Variants in SBK3 observed in about 807,000 individuals in gnomAD.
SBK3 encodes the protein SH3 domain binding kinase family member 3, also known as uncharacterized serine/threonine-protein kinase SBK3.
A neutral mutation model predicts 12.7 loss-of-function variants in SBK3; 16 were observed. The ratio of observed to expected loss-of-function variants is 1.26; its 90% CI spans 0.86 to 1.92. The LOEUF is 1.92. Ranked by LOEUF, SBK3 falls within the 40% of genes most tolerant of loss-of-function variation. The pLI, the probability that SBK3 is intolerant of heterozygous loss-of-function variation, is 0.00. For synonymous variants in SBK3, 217 were observed against 213.6 expected (o/e 1.02, Z -0.14); for missense variants, 462 against 481.8 (o/e 0.96, Z 0.38).
intron 3 of SBK3, among the ~76,000 whole-genome samples, chr19:55,543,485 C>A (rs74693455): frequency 0.075 from 11,289 of 151,396 alleles, 442 homozygotes; most frequent in Non-Finnish European, 0.085. Context: ...CTTCCTCATC[C>A]CCTTCCTTCT....
chr19:55,541,761 C>A lies in SBK3; in HGVS notation c.400-235G>T, dbSNP rs1399950943. On this transcript the variant is annotated intron_variant, in intron 3 of 3. Transcript: ENST00000612221. The surrounding 1 kb of genome is among the most constrained non-coding windows in gnomAD (Gnocchi z 5.3). Reference sequence around the variant, plus strand: ...ACTCTTGGGGTTTGAGAATCTAGAACCCCAGACTAGTGGCTACCTCCAGTG... The same window carrying A: ...ACTCTTGGGGTTTGAGAATCTAGAAACCCAGACTAGTGGCTACCTCCAGTG... Among the ~76,000 whole-genome samples the A allele has an allele frequency of 6.6e-6, 1 of 152,128 alleles. No homozygotes were observed. Among genetic ancestry groups the A allele is most frequent in the Non-Finnish European group, 1.5e-5 (1 of 68,028 alleles).
Position 55,544,293 on chromosome 19 carries a change from A to T in SBK3, c.206T>A (p.Val69Glu). 6.5e-7 allele frequency: 1 copy of T among 1,535,716 alleles called. No individual in the cohort carries two copies. The highest frequency in any genetic ancestry group is 8.7e-7 in the Non-Finnish European group (1 of 1,146,672). The change falls in exon 3 of 4, where the codon GTG becomes GAG. Residue 69 changes from valine (V) to glutamate (E), a missense_variant. Physicochemically the swap from Val to Glu is moderately radical, Grantham distance 121. Transcript: ENST00000612221. ...LAQPHQGGPA[V>E]ALKLLRRDLV... ...ATCCCGACGCAGGAGCTTCAGAGCC[A>T]CAGCTGGACCTGCCAGGGAGATGGG...
Position 55,544,272 on chromosome 19 carries a change from C to T in SBK3, c.227G>A (p.Arg76Gln), listed in dbSNP as rs1268193491. 35 of 1,535,842 alleles carry T rather than the reference C, an allele frequency of 2.3e-5. No homozygotes were observed. The highest frequency in any genetic ancestry group is 1.7e-4 in the Middle Eastern group (1 of 6,010). ...GPAVALKLLR[R>Q]DLVLRSTFLR... ...GAAGGTGCTTCTCAGGACCAAATCC[C>T]GACGCAGGAGCTTCAGAGCCACAGC... Residue 76 changes from arginine to glutamine, a missense_variant, in exon 3 of 4, where the codon CGG becomes CAG. Physicochemically the swap from Arg to Gln is conservative, Grantham distance 43. Coordinates refer to ENST00000612221, the MANE Select transcript of SBK3 (RefSeq NM_001199824.2).
intron 3 of SBK3, among the ~76,000 whole-genome samples, chr19:55,542,032 G>A (rs1302652916): frequency 6.6e-6 from 1 of 152,208 alleles, no homozygotes; most frequent in East Asian, 1.9e-4. Flanking sequence ...TCTCCAGTGA[G>A]AACTCAAATT....
chr19:55,545,016 G>T lies in SBK3; in HGVS notation c.46-67C>A. On this transcript the variant is annotated intron_variant, in intron 1 of 3. Coordinates refer to ENST00000612221, the MANE Select transcript of SBK3 (RefSeq NM_001199824.2). This position sits in a 1 kb window ranked among gnomAD's most constrained non-coding sequence, Gnocchi z 4.4. ...TCCACTGAGAGTGGTGGGGGAGGAGGTCACGGCGCAGCCCCAGGATGGAGG... is the reference window on the plus strand; with the variant it reads ...TCCACTGAGAGTGGTGGGGGAGGAGTTCACGGCGCAGCCCCAGGATGGAGG... 1 of 1,260,614 alleles carries T rather than the reference G, an allele frequency of 7.9e-7. No homozygotes were observed. The highest frequency in any genetic ancestry group is 1.1e-6 in the Non-Finnish European group (1 of 922,894). 78.1% of individuals were successfully genotyped at this position (1,260,614 alleles called of 1,614,324 possible). A position where few individuals can be genotyped will look rare whatever the true frequency, so the allele number is the denominator to read the frequency against.
Position 55,540,709 on chromosome 19 carries a change from C to T in SBK3, c.*137G>A, listed in dbSNP as rs1988539122. 1 of 785,066 alleles carries T rather than the reference C, an allele frequency of 1.3e-6. No individual in the cohort carries two copies. Among genetic ancestry groups the T allele is most frequent in the Non-Finnish European group, 2.2e-6 (1 of 464,726 alleles). The allele number at this position is 785,066 out of a possible 1,614,324, so 48.6% of individuals were successfully genotyped here. On this transcript the variant is annotated 3_prime_UTR_variant, in exon 4 of 4. Coordinates refer to ENST00000612221, the MANE Select transcript of SBK3 (RefSeq NM_001199824.2). ...GTTGGAAGAGGAATGCGCGTCCAAGCCCAGCGTTCCGTAGGGAGAGTGCAA... is the reference window on the plus strand; with the variant it reads ...GTTGGAAGAGGAATGCGCGTCCAAGTCCAGCGTTCCGTAGGGAGAGTGCAA...
chr19:55,544,900 C>G lies in SBK3; in HGVS notation c.95G>C (p.Arg32Thr), dbSNP rs1353181279. 2.6e-6 allele frequency: 4 copies of G among 1,534,446 alleles called. No homozygotes were observed. In the South Asian group the frequency reaches 3.6e-5, roughly 14 times the overall value. ...CCGAAGGCTCCTCACCGGGGTCACC[C>G]TGCTGGTCGTCAGCTCCACCAGCCG... is the stretch of plus-strand genomic sequence containing the variant. ...LQRLVELTTS[R>T]VTPVRSLRDQ... The change falls in exon 2 of 4, where the codon AGG becomes ACG. Residue 32 changes from arginine (R) to threonine (T), a missense_variant. Transcript: ENST00000612221.
In SBK3 at chr19:55,540,727, G is replaced by A. The variant is rs1289327452; in HGVS notation, c.*119C>T. 3.5e-6 allele frequency: 3 copies of A among 859,354 alleles called. No individual in the cohort carries two copies. The highest frequency in any genetic ancestry group is 5.7e-6 in the Non-Finnish European group (3 of 529,226). The allele number at this position is 859,354 out of a possible 1,614,324, so 53.2% of individuals were successfully genotyped here. A position where few individuals can be genotyped will look rare whatever the true frequency, so the allele number is the denominator to read the frequency against. On this transcript the variant is annotated 3_prime_UTR_variant, in exon 4 of 4. Transcript: ENST00000612221. ...GTCCAAGCCCAGCGTTCCGTAGGGA[G>A]AGTGCAATGTGTTCCCTCTCTGTCC... is the stretch of plus-strand genomic sequence containing the variant.
Position 55,545,449 on chromosome 19 carries a change from C to T in SBK3, c.45+50G>A. The T allele has an allele frequency of 1.4e-6, 2 of 1,432,962 alleles. No individual in the cohort carries two copies. Among genetic ancestry groups the T allele is most frequent in the Non-Finnish European group, 1.9e-6 (2 of 1,055,946 alleles). The allele number at this position is 1,432,962 out of a possible 1,614,324, so 88.8% of individuals were successfully genotyped here. On this transcript the variant is annotated intron_variant, in intron 1 of 3. Coordinates refer to ENST00000612221, the MANE Select transcript of SBK3 (RefSeq NM_001199824.2). This position sits in a 1 kb window ranked among gnomAD's most constrained non-coding sequence, Gnocchi z 4.4. ...TCTCCCCGTGTTGCCTCCTGCCTCT[C>T]TCTCCTTCTTTTCTCTCTCTGTCTT...
At chr19:55,544,070 A>G (rs694398) in intron 3 of SBK3, 30 bp downstream of exon 3, 863,395 of 1,428,494 alleles carry the variant, frequency 0.6, 265,120 homozygotes, top group South Asian at 0.67. Flanking sequence ...TGGGATAAGC[A>G]CTCCCAACCT....
rs752621597 is a variant in SBK3 at position 55,545,332 on chromosome 19, G to A, written c.45+167C>T. ...CCAATTCTCTGGGGGCCTTGGTCTC[G>A]CTGTGTGTCCTTGGATCTCTGTCAT... On this transcript the variant is annotated intron_variant, in intron 1 of 3. Coordinates refer to ENST00000612221, the MANE Select transcript of SBK3 (RefSeq NM_001199824.2). The surrounding 1 kb of genome is among the most constrained non-coding windows in gnomAD (Gnocchi z 4.4). 162 of 618,676 alleles carry A rather than the reference G, an allele frequency of 2.6e-4. No individual in the cohort carries two copies. The highest frequency in any genetic ancestry group is 8.4e-4 in the Admixed American group (29 of 34,618). The allele number at this position is 618,676 out of a possible 1,614,324, so 38.3% of individuals were successfully genotyped here. A position where few individuals can be genotyped will look rare whatever the true frequency, so the allele number is the denominator to read the frequency against.
rs1369784055 is a variant in SBK3, at chr19:55,540,921, G to C, written c.1005C>G (p.Ser335Arg). The change falls in exon 4 of 4, where the codon AGC becomes AGG. Residue 335 changes from serine to arginine, a missense_variant. Physicochemically the swap from Ser to Arg is moderately radical, Grantham distance 110. Transcript: ENST00000612221. ...CACCCTCATCTGTCCACTCCTCCAG[G>C]CTTGAGCCTCCCTCCTCCCTGTCCT... ...SYEDREEGGSSLEEWTDEGDD... is the reference protein window; with the variant it reads ...SYEDREEGGSRLEEWTDEGDD... 6.5e-7 allele frequency: 1 copy of C among 1,536,126 alleles called. No individual in the cohort carries two copies. Among genetic ancestry groups the C allele is most frequent in the Admixed American group, 2.0e-5 (1 of 50,972 alleles).
chr19:55,544,911 C>G lies in SBK3; in HGVS notation c.84G>C (p.Leu28=). The G allele has an allele frequency of 4.6e-6, 7 of 1,534,250 alleles. No individual in the cohort carries two copies. Among genetic ancestry groups the G allele is most frequent in the Non-Finnish European group, 6.1e-6 (7 of 1,146,326 alleles). Residue 28 remains leucine, a synonymous_variant, in exon 2 of 4, where the codon CTG becomes CTC. Transcript: ENST00000612221. The stretch of plus-strand genomic sequence containing the variant: ...TCACCGGGGTCACCCTGCTGGTCGT[C>G]AGCTCCACCAGCCGTTGGAGGGCTG... ...TATALQRLVE[L]TTSRVTPVRS...
rs774399954 is a variant in SBK3 at position 55,541,312 on chromosome 19, G to A, written c.614C>T (p.Pro205Leu). Residue 205 changes from proline (P) to leucine (L), a missense_variant, in exon 4 of 4, where the codon CCG becomes CTG. Coordinates refer to ENST00000612221, the MANE Select transcript of SBK3 (RefSeq NM_001199824.2). The surrounding 1 kb of genome is among the most constrained non-coding windows in gnomAD (Gnocchi z 5.3). ...CGGTAGCAGGAGACAGAGCTCAGGC[G>A]GTGCCGTGGGCAGAGGCACTGGTGG... Reference protein sequence around the residue: ...PAPPVPLPTAPPELCLLLPPD... With the variant: ...PAPPVPLPTALPELCLLLPPD... 33 of 1,535,286 alleles carry A rather than the reference G, an allele frequency of 2.1e-5. 1 individual carries two copies. The highest frequency in any genetic ancestry group is 1.2e-4 in the South Asian group (10 of 84,016).
chr19:55,545,220 T>C lies in SBK3; in HGVS notation c.46-271A>G. On this transcript the variant is annotated intron_variant, in intron 1 of 3. Coordinates refer to ENST00000612221, the MANE Select transcript of SBK3 (RefSeq NM_001199824.2). The surrounding 1 kb of genome is among the most constrained non-coding windows in gnomAD (Gnocchi z 4.4). ...GCCCCCAGCCCCGAGTGGGGGTGCA[T>C]CCTCAGCCCACACAGTCCCCCTGCC... The C allele has an allele frequency of 1.7e-6, 1 of 579,252 alleles. No homozygotes were observed. Among genetic ancestry groups the C allele is most frequent in the Non-Finnish European group, 3.1e-6 (1 of 327,622 alleles). The allele number at this position is 579,252 out of a possible 1,614,324, so 35.9% of individuals were successfully genotyped here. A position where few individuals can be genotyped will look rare whatever the true frequency, so the allele number is the denominator to read the frequency against.
Position 55,544,801 on chromosome 19 carries a change from C to T in SBK3, c.194G>A (p.Gly65Glu). 6.6e-7 allele frequency: 1 copy of T among 1,506,236 alleles called. No homozygotes were observed. The allele number at this position is 1,506,236 out of a possible 1,614,324, so 93.3% of individuals were successfully genotyped here. The change falls in exon 2 of 4, where the codon GGG (glycine) becomes GAG (glutamate). Residue 65 changes from glycine (G) to glutamate (E), a missense_variant and splice_region_variant. Transcript: ENST00000612221. Reference sequence around the variant, plus strand: ...TGCCCTTGGGTGGCTGAACTCACCCCCCTGGTGAGGCTGGGCAAGGAGCAC... The same window carrying T: ...TGCCCTTGGGTGGCTGAACTCACCCTCCTGGTGAGGCTGGGCAAGGAGCAC... Reference protein sequence around the residue: ...GRVLLAQPHQGGPAVALKLLR... With the variant: ...GRVLLAQPHQEGPAVALKLLR...
In SBK3 at chr19:55,545,043, T is replaced by G. The variant is rs1599951096; in HGVS notation, c.46-94A>C. The G allele has an allele frequency of 1.0e-6, 1 of 954,068 alleles. No homozygotes were observed. The highest frequency in any genetic ancestry group is 1.5e-6 in the Non-Finnish European group (1 of 655,438). 59.1% of individuals were successfully genotyped at this position (954,068 alleles called of 1,614,324 possible). A position where few individuals can be genotyped will look rare whatever the true frequency, so the allele number is the denominator to read the frequency against. Reference sequence around the variant, plus strand: ...CACGGCGCAGCCCCAGGATGGAGGGTGGGGCAGGGGACAGGGGTCACTGTC... The same window carrying G: ...CACGGCGCAGCCCCAGGATGGAGGGGGGGGCAGGGGACAGGGGTCACTGTC... On this transcript the variant is annotated intron_variant, in intron 1 of 3. Coordinates refer to ENST00000612221, the MANE Select transcript of SBK3 (RefSeq NM_001199824.2). This position sits in a 1 kb window ranked among gnomAD's most constrained non-coding sequence, Gnocchi z 4.4.
In SBK3 at chr19:55,541,357, T is replaced by A. The variant is rs1337093087; in HGVS notation, c.569A>T (p.Glu190Val). The change falls in exon 4 of 4, where the codon GAG becomes GTG. Residue 190 changes from glutamate to valine, a missense_variant. Physicochemically the swap from Glu to Val is moderately radical, Grantham distance 121. Transcript: ENST00000612221. This position sits in a 1 kb window ranked among gnomAD's most constrained non-coding sequence, Gnocchi z 5.3. The part of the protein sequence containing the change: ...ALGDLGLTRP[E>V]GSPTPAPPVP... ...TGGTGGGGCGGGGGTCGGGCTGCCCTCTGGCCGGGTCAGACCCAGGTCTCC... is the reference window on the plus strand; with the variant it reads ...TGGTGGGGCGGGGGTCGGGCTGCCCACTGGCCGGGTCAGACCCAGGTCTCC... The A allele has an allele frequency of 6.5e-7, 1 of 1,535,226 alleles. No individual in the cohort carries two copies. The highest frequency in any genetic ancestry group is 2.0e-5 in the Admixed American group (1 of 50,946).
Position 55,541,344 on chromosome 19 carries a change from G to T in SBK3, c.582C>A (p.Thr194=). The change falls in exon 4 of 4, where the codon ACC becomes ACA. Residue 194 remains threonine, a synonymous_variant. Coordinates refer to ENST00000612221, the MANE Select transcript of SBK3 (RefSeq NM_001199824.2). The surrounding 1 kb of genome is among the most constrained non-coding windows in gnomAD (Gnocchi z 5.3). ...TGGGCAGAGGCACTGGTGGGGCGGGGGTCGGGCTGCCCTCTGGCCGGGTCA... is the reference window on the plus strand; with the variant it reads ...TGGGCAGAGGCACTGGTGGGGCGGGTGTCGGGCTGCCCTCTGGCCGGGTCA... ...LGLTRPEGSP[T]PAPPVPLPTA... is the part of the protein sequence containing the mutation. 1.3e-6 allele frequency: 2 copies of T among 1,535,138 alleles called. No homozygotes were observed. Among genetic ancestry groups the T allele is most frequent in the Non-Finnish European group, 1.7e-6 (2 of 1,146,414 alleles).
Sources: allele counts gnomAD v4.1 joint callset (sites outside exome capture counted in the v4.1 genomes callset), GRCh38; gene constraint gnomAD v4.1.1; non-coding constraint Gnocchi (gnomAD v3.1); transcripts MANE v1.5; gene names NCBI Gene and HGNC (gene_info 2026-07-23, HGNC 2026-07-21).